The following CDH12 variants were observed in gnomAD, a reference collection of about 807,000 sequenced individuals.
CDH12 encodes the protein cadherin-12.
In CDH12, 41 loss-of-function variants were observed where a neutral mutation model predicts 74.1. That is an observed-to-expected ratio of 0.55 (90% confidence interval 0.43 to 0.72). The LOEUF is 0.72. Among genes scored for constraint, CDH12 ranks in the 30% least tolerant of loss-of-function variants. The pLI is 0.00. For missense variants in CDH12, 945 were observed against 977.2 expected (o/e 0.97, Z 0.44); for synonymous variants, 399 against 355.0 (o/e 1.12, Z -1.39).
chr5:22,539,852 C>T (rs968943873), intron 1 of CDH12, among the ~76,000 whole-genome samples: 8 of 152,158 alleles, frequency 5.3e-5, no homozygotes, highest in African/African-American at 1.9e-4. Context: ...TGAAACAGAA[C>T]CCAATCTTGG....
intron 3 of CDH12, among the ~76,000 whole-genome samples, chr5:22,369,312 T>C (rs1326535648): frequency 6.6e-6 from 1 of 152,156 alleles, no homozygotes; most frequent in African/African-American, 2.4e-5. Context: ...TTAAAATTTT[T>C]TAATATGTAA....
At chr5:22,438,884 T>G (rs1421976899) in intron 2 of CDH12, among the ~76,000 whole-genome samples, 4 of 151,856 alleles carry the variant, frequency 2.6e-5, no homozygotes, top group African/African-American at 9.6e-5. Flanking sequence ...GAAAATAAAT[T>G]TAATAATCTT....
intron 1 of CDH12, among the ~76,000 whole-genome samples, chr5:22,630,667 C>G (rs1487802502): frequency 1.3e-5 from 2 of 151,988 alleles, no homozygotes; most frequent in African/African-American, 2.4e-5. Flanking sequence ...AACTTAAAAC[C>G]TGTAACTATC....
intron 3 of CDH12, among the ~76,000 whole-genome samples, chr5:22,381,110 T>A (rs1261370): frequency 0.73 from 111,133 of 151,928 alleles, 41,803 homozygotes; most frequent in Non-Finnish European, 0.82. Flanking sequence ...ATAAAAATTC[T>A]TGTAGTTGAT....
intron 6 of CDH12, chr5:21,889,742 GCTTT>G (rs1752811452): frequency 4.1e-6 from 4 of 982,270 alleles, no homozygotes; most frequent in African/African-American, 3.5e-5. Flanking sequence ...GGTTTTGTTT[GCTTT>G]CTTTCTTTCT....
At chr5:21,948,228 C>A (rs1755666472) in intron 6 of CDH12, among the ~76,000 whole-genome samples, 2 of 152,156 alleles carry the variant, frequency 1.3e-5, no homozygotes, top group Admixed American at 1.3e-4. Flanking sequence ...CCACTGTTCT[C>A]CAGACCCCTG....
chr5:22,815,784 AAT>A lies in CDH12; in HGVS notation c.-523+37272_-523+37273del, dbSNP rs1554005513. ...GACTCCGTCTCAAAAAAAAAAAAAA[AAT>A]AAATAAATAATAAAAATAAAAAAAC... is the stretch of plus-strand genomic sequence containing the variant. On this transcript the variant is annotated intron_variant, in intron 1 of 14. Transcript: ENST00000382254. 1.3e-3 allele frequency among the ~76,000 whole-genome samples: 190 copies of A among 148,780 alleles called. 3 individuals carry two copies. Among genetic ancestry groups the A allele is most frequent in the Non-Finnish European group, 1.7e-3 (113 of 67,294 alleles).
intron 1 of CDH12, among the ~76,000 whole-genome samples, chr5:22,587,716 T>C (rs1740472226): frequency 6.6e-6 from 1 of 152,114 alleles, no homozygotes; most frequent in Non-Finnish European, 1.5e-5. Flanking sequence ...ACCAATAATC[T>C]GTTCCTCTTT....
intron 2 of CDH12, among the ~76,000 whole-genome samples, chr5:22,416,713 C>G (rs1416942647): frequency 1.3e-5 from 2 of 152,116 alleles, no homozygotes; most frequent in South Asian, 2.1e-4. Context: ...TAGAAAGAAG[C>G]TTACCTTAAA....
At chr5:22,832,754 G>T (rs1247774514) in intron 1 of CDH12, among the ~76,000 whole-genome samples, 5 of 152,122 alleles carry the variant, frequency 3.3e-5, no homozygotes, top group Non-Finnish European at 5.9e-5. Flanking sequence ...GTGGTTTTGT[G>T]GGAGACTAGG....
intron 2 of CDH12, among the ~76,000 whole-genome samples, chr5:22,405,649 A>G (rs1742910773): frequency 6.6e-6 from 1 of 152,220 alleles, no homozygotes; most frequent in African/African-American, 2.4e-5. Context: ...TTTAGTTCCA[A>G]TCATTCAACG....
intron 3 of CDH12, among the ~76,000 whole-genome samples, chr5:22,217,788 T>C (rs529347261): frequency 3.4e-4 from 51 of 151,632 alleles, no homozygotes; most frequent in South Asian, 1.2e-3. Context: ...TAATGAATAA[T>C]ATTGCTCAAT....
chr5:22,796,686 AT>A lies in CDH12; in HGVS notation c.-523+56371del, dbSNP rs1204844439. ...AGGCGCCCGCCACTACGCCCGGCTAATTTTTTTGTATTTTTAGTAGAGACGG... is the reference window on the plus strand; with the variant it reads ...AGGCGCCCGCCACTACGCCCGGCTAATTTTTTGTATTTTTAGTAGAGACGG... On this transcript the variant is annotated intron_variant, in intron 1 of 14. Transcript: ENST00000382254. Among the ~76,000 whole-genome samples the A allele has an allele frequency of 1.1e-4, 15 of 131,854 alleles. 2 individuals carry two copies. Among genetic ancestry groups the A allele is most frequent in the African/African-American group, 4.1e-4 (13 of 31,676 alleles). The allele number at this position is 131,854 out of a possible 152,430, so 86.5% of individuals were successfully genotyped here. A position where few individuals can be genotyped will look rare whatever the true frequency, so the allele number is the denominator to read the frequency against.
intron 6 of CDH12, among the ~76,000 whole-genome samples, chr5:21,876,285 C>G (rs909611341): frequency 6.6e-6 from 1 of 152,066 alleles, no homozygotes; most frequent in Non-Finnish European, 1.5e-5. Flanking sequence ...TTGACTCTCC[C>G]CCTGAGTCTC....
At chr5:22,315,138 T>TTTTTTTTTTTTTTTTTTTTG (rs1561306121) in intron 3 of CDH12, among the ~76,000 whole-genome samples, 1 of 128,274 alleles carries the variant, frequency 7.8e-6, no homozygotes, top group Admixed American at 7.9e-5. Context: ...TTTTTTTTTT[T>TTTTTTTTTTTTTTTTTTTTG]TTTTTAGTAG....
Position 22,051,805 on chromosome 5 carries a change from G to GA in CDH12, c.231+26640dup, listed in dbSNP as rs1351335629. ...ACTAAAAGGGGAGTGAAAAGATTGAGAAAAAAAGAAAAAGAGCTGGACAGC... is the reference window on the plus strand; with the variant it reads ...ACTAAAAGGGGAGTGAAAAGATTGAGAAAAAAAAGAAAAAGAGCTGGACAGC... On this transcript the variant is annotated intron_variant, in intron 5 of 14. Coordinates refer to ENST00000382254, the MANE Select transcript of CDH12 (RefSeq NM_004061.5). Among the ~76,000 whole-genome samples, 533 of 150,464 alleles carry GA rather than the reference G, an allele frequency of 3.5e-3. 2 individuals are homozygous for GA. The highest frequency in any genetic ancestry group is 0.013 in the African/African-American group (518 of 40,276).
intron 6 of CDH12, among the ~76,000 whole-genome samples, chr5:21,942,625 T>A (rs564768744): frequency 9.2e-5 from 14 of 151,822 alleles, no homozygotes; most frequent in Non-Finnish European, 2.1e-4. Flanking sequence ...AATGTATATC[T>A]GTGTATGTGT....
At chr5:22,530,414 C>A in intron 1 of CDH12, among the ~76,000 whole-genome samples, 1 of 152,148 alleles carries the variant, frequency 6.6e-6, no homozygotes, top group Admixed American at 6.5e-5. Context: ...TGTAGAGGGG[C>A]AGAGTTTAAA....
intron 5 of CDH12, among the ~76,000 whole-genome samples, chr5:22,052,769 A>G (rs1270977498): frequency 1.3e-5 from 2 of 152,098 alleles, no homozygotes; most frequent in Non-Finnish European, 2.9e-5. Flanking sequence ...TATTAAATTT[A>G]TCTTTAAGTT....
Sources: gnomAD v4.1 joint callset for allele counts (sites outside exome capture counted in the v4.1 genomes callset) on GRCh38, gnomAD v4.1.1 for gene constraint, MANE v1.5 for transcripts, NCBI Gene and HGNC (gene_info 2026-07-23, HGNC 2026-07-21) for gene names.